The following PEBP4 variants were observed in gnomAD, a reference collection of about 807,000 sequenced individuals.
The protein encoded by PEBP4 is phosphatidylethanolamine binding protein 4.
In PEBP4, 22 loss-of-function variants were observed where a neutral mutation model predicts 23.9. The ratio of observed to expected loss-of-function variants is 0.92; its 90% CI spans 0.66 to 1.31. PEBP4 has a LOEUF of 1.31. Ranked by LOEUF, PEBP4 falls within the 40% of genes most tolerant of loss-of-function variation. The pLI is 0.00. For synonymous variants in PEBP4, 112 were observed against 99.3 expected, an observed-to-expected ratio of 1.13 and a Z score of -0.76; for missense variants, 324 against 281.7, an observed-to-expected ratio of 1.15 and a Z score of -1.07.
At chr8:22,927,288 C>T (rs975426979) in intron 2 of PEBP4, among the ~76,000 whole-genome samples, 4 of 152,142 alleles carry the variant, frequency 2.6e-5, no homozygotes, top group African/African-American at 9.7e-5. Flanking sequence ...AGGGTCTCAG[C>T]CTCCTGCCCC....
At chr8:22,815,041 G>A (rs968690897) in intron 4 of PEBP4, 2 of 152,110 alleles carry the variant, frequency 1.3e-5, no homozygotes, top group Non-Finnish European at 2.9e-5. Flanking sequence ...GTTAAGGGAC[G>A]CGGATTGAAG....
upstream of PEBP4, chr8:22,927,934 C>A: frequency 3.7e-6 from 2 of 540,716 alleles, no homozygotes; most frequent in Admixed American, 6.9e-5. Context: ...CCAAGTTGGA[C>A]TCAATGTACG....
intron 4 of PEBP4, among the ~76,000 whole-genome samples, chr8:22,795,159 ATATATTTTTTTTTTTTT>A (rs1585276599): frequency 3.5e-5 from 1 of 28,540 alleles, no homozygotes; most frequent in South Asian, 1.6e-3. Flanking sequence ...ATATATATAT[ATATATTTTTTTTTTTTT>A]TTTTTTTTTT....
chr8:22,795,584 C>T (rs553566600), intron 4 of PEBP4, among the ~76,000 whole-genome samples: 16 of 152,242 alleles, frequency 1.1e-4, no homozygotes, highest in Admixed American at 6.5e-4. Flanking sequence ...TTTCCCCATC[C>T]AGGGTGCACT....
chr8:22,867,242 G>A (rs1807922902), intron 3 of PEBP4, among the ~76,000 whole-genome samples: 1 of 152,222 alleles, frequency 6.6e-6, no homozygotes, highest in South Asian at 2.1e-4. Context: ...AAAGCTGGAT[G>A]TAGGACATTA....
chr8:22,753,669 C>T (rs1805314756), intron 4 of PEBP4, among the ~76,000 whole-genome samples: 1 of 152,170 alleles, frequency 6.6e-6, no homozygotes, highest in Non-Finnish European at 1.5e-5. Flanking sequence ...TTGCTGAAGC[C>T]CTTCCTGGTC....
chr8:22,736,738 CT>C (rs1804868423), intron 4 of PEBP4, among the ~76,000 whole-genome samples: 1 of 152,192 alleles, frequency 6.6e-6, no homozygotes, highest in African/African-American at 2.4e-5. Context: ...ACAAAAATAG[CT>C]TTTGATATCA....
intron 3 of PEBP4, chr8:22,887,089 A>AGTGTGTGTGTGTGTGTGTGT (rs60863527): frequency 6.8e-6 from 1 of 147,352 alleles, no homozygotes; most frequent in Non-Finnish European, 1.5e-5. Context: ...GGACACTCCT[A>AGTGTGTGTGTGTGTGTGTGT]GTGTGTGTGT....
Position 22,724,928 on chromosome 8 carries a change from G to C in PEBP4, c.432C>G (p.His144Gln). ...AGAACTGGTAGCGATGGAAGCCACTGTGTGCCGGTGGGGAGGGAGCCTGGT... is the reference window on the plus strand; with the variant it reads ...AGAACTGGTAGCGATGGAAGCCACTCTGTGCCGGTGGGGAGGGAGCCTGGT... ...SAYQAPSPPA[H>Q]SGFHRYQFFV... The change falls in exon 6 of 7, where the codon CAC becomes CAG. Residue 144 changes from histidine to glutamine, a missense_variant. Physicochemically the swap from His to Gln is conservative, Grantham distance 24. Coordinates refer to ENST00000256404, the MANE Select transcript of PEBP4 (RefSeq NM_144962.3). The C allele has an allele frequency of 6.2e-7, 1 of 1,614,146 alleles. No individual in the cohort carries two copies. The highest frequency in any genetic ancestry group is 8.5e-7 in the Non-Finnish European group (1 of 1,180,008).
At chr8:22,817,016 A>G (rs184800167) in intron 4 of PEBP4, among the ~76,000 whole-genome samples, 1,745 of 152,340 alleles carry the variant, frequency 0.011, 11 homozygotes, top group Middle Eastern at 0.017. Flanking sequence ...TCCCTCCCAC[A>G]TAATGGCACA....
At chr8:22,889,084 A>G (rs1235942839) in intron 3 of PEBP4, among the ~76,000 whole-genome samples, 1 of 152,214 alleles carries the variant, frequency 6.6e-6, no homozygotes, top group Non-Finnish European at 1.5e-5. Context: ...TTCCCATAGC[A>G]CCAGGCTTAC....
chr8:22,840,142 T>C (rs1807292778), intron 3 of PEBP4, among the ~76,000 whole-genome samples: 2 of 152,222 alleles, frequency 1.3e-5, no homozygotes, highest in Admixed American at 1.3e-4. Flanking sequence ...GAGAATCAGA[T>C]GAATTATATC....
chr8:22,889,811 T>C (rs1808456466), intron 3 of PEBP4, among the ~76,000 whole-genome samples: 1 of 152,250 alleles, frequency 6.6e-6, no homozygotes, highest in South Asian at 2.1e-4. Flanking sequence ...AATCATGTAA[T>C]ACGGTATTTC....
intron 4 of PEBP4, among the ~76,000 whole-genome samples, chr8:22,809,616 A>G (rs1412387595): frequency 2.0e-5 from 3 of 152,066 alleles, no homozygotes; most frequent in African/African-American, 2.4e-5. Flanking sequence ...CTGGGCCTCA[A>G]TTTCTCATCT....
chr8:22,829,553 C>T (rs544257293), intron 3 of PEBP4, among the ~76,000 whole-genome samples: 2 of 152,214 alleles, frequency 1.3e-5, no homozygotes, highest in African/African-American at 4.8e-5. Context: ...GTGCATCTGC[C>T]CCCAATCTCT....
intron 3 of PEBP4, among the ~76,000 whole-genome samples, chr8:22,890,127 G>A (rs972302844): frequency 1.3e-5 from 2 of 152,198 alleles, no homozygotes; most frequent in Non-Finnish European, 2.9e-5. Context: ...ATAGGTGATG[G>A]AGAAGAGGTA....
chr8:22,715,939 C>T (rs184998820), intron 6 of PEBP4, among the ~76,000 whole-genome samples: 1 of 152,268 alleles, frequency 6.6e-6, no homozygotes, highest in East Asian at 1.9e-4. Flanking sequence ...TCCTGTATGG[C>T]ACTGCTGTCC....
chr8:22,916,386 G>A (rs955460205), intron 3 of PEBP4, among the ~76,000 whole-genome samples: 5 of 152,086 alleles, frequency 3.3e-5, no homozygotes, highest in East Asian at 1.9e-4. Context: ...CACCTCTCTC[G>A]CTCAGCCATA....
intron 3 of PEBP4, chr8:22,885,451 T>C (rs949391829): frequency 1.1e-4 from 16 of 152,172 alleles, no homozygotes; most frequent in Non-Finnish European, 2.2e-4. Flanking sequence ...CACTGGCCTT[T>C]CCCTGCTATG....
Sources: allele counts gnomAD v4.1 joint callset (sites outside exome capture counted in the v4.1 genomes callset), GRCh38; gene constraint gnomAD v4.1.1; transcripts MANE v1.5; gene names NCBI Gene and HGNC (gene_info 2026-07-23, HGNC 2026-07-21).